The following MYSM1 variants were observed in gnomAD, a reference collection of about 807,000 sequenced individuals.
The protein encoded by MYSM1 is Myb like, SWIRM and MPN domains 1, also known as deubiquitinase MYSM1.
MYSM1 carries 51 observed loss-of-function variants against 116.0 expected under a neutral mutation model. The observed-to-expected ratio is 0.44, with a 90% CI of 0.35 to 0.56. MYSM1 has a LOEUF of 0.56. Ranked by LOEUF, MYSM1 falls within the 20% of genes least tolerant of loss-of-function variation. The probability of loss-of-function intolerance (pLI) is 0.00; values close to 1 mark genes in which losing one functional copy is unlikely to be tolerated. For missense variants in MYSM1, 900 were observed against 974.9 expected (o/e 0.92, Z 1.02); for synonymous variants, 313 against 315.2 (o/e 0.99, Z 0.07).
chr1:58,691,703 T>C (rs1275747480), intron 3 of MYSM1, among the ~76,000 whole-genome samples: 1 of 151,940 alleles, frequency 6.6e-6, no homozygotes, highest in Non-Finnish European at 1.5e-5. Flanking sequence ...CCATCTCTAC[T>C]AAAGATACAA....
rs1317012685 is a variant in MYSM1 at position 58,658,351 on chromosome 1, TG to T, written c.*1645del. 7.9e-5 allele frequency: 12 copies of T among 152,138 alleles called. No individual in the cohort carries two copies. Among genetic ancestry groups the T allele is most frequent in the African/African-American group, 2.7e-4 (11 of 41,426 alleles). The allele number at this position is 152,138 out of a possible 1,614,324, so 9.4% of individuals were successfully genotyped here. On this transcript the variant is annotated 3_prime_UTR_variant, in exon 20 of 20. Coordinates refer to ENST00000472487, the MANE Select transcript of MYSM1 (RefSeq NM_001085487.3). Reference sequence around the variant, plus strand: ...TACTACCCTTTTTTTTTTAAATGTATGTTAATTTGGAAACTGTATTAACTCA... The same window carrying T: ...TACTACCCTTTTTTTTTTAAATGTATTTAATTTGGAAACTGTATTAACTCA...
chr1:58,696,615 A>G (rs1169005916), intron 1 of MYSM1, among the ~76,000 whole-genome samples: 1 of 152,114 alleles, frequency 6.6e-6, no homozygotes, highest in Non-Finnish European at 1.5e-5. Flanking sequence ...GTAGTTTCCA[A>G]TCTTATATAA....
intron 17 of MYSM1, 26 bp from the exon 18 acceptor site, chr1:58,661,537 G>T (rs2100586595): frequency 1.6e-6 from 2 of 1,239,212 alleles, no homozygotes; most frequent in Non-Finnish European, 2.3e-6. Flanking sequence ...GAAGCACATT[G>T]TCATCAACTA....
At chr1:58,689,476 G>C (rs1426878312) in intron 5 of MYSM1, 1 of 165,408 alleles carries the variant, frequency 6.0e-6, no homozygotes, top group East Asian at 1.7e-4. Flanking sequence ...AGGCATGTAA[G>C]AGTTTAAATT....
intron 15 of MYSM1, among the ~76,000 whole-genome samples, chr1:58,667,605 C>G (rs944113675): frequency 1.3e-5 from 2 of 150,460 alleles, no homozygotes; most frequent in African/African-American, 2.4e-5. Context: ...TAGCTTTTTA[C>G]TAATAAAGGT....
rs115507468 is a variant in MYSM1 at position 58,683,585 on chromosome 1, G to T, written c.499-1040C>A. On this transcript the variant is annotated intron_variant, in intron 7 of 19. Coordinates refer to ENST00000472487, the MANE Select transcript of MYSM1 (RefSeq NM_001085487.3). ...ACAAAAAAAGATAATGAAAGTGAAT[G>T]AGCAAATATAACATGAAATAAAATC... Among the ~76,000 whole-genome samples the T allele has an allele frequency of 3.8e-3, 575 of 152,170 alleles. 6 individuals are homozygous for T. The highest frequency in any genetic ancestry group is 0.012 in the African/African-American group (517 of 41,526).
At chr1:58,684,776 T>C (rs1478477354) in intron 7 of MYSM1, among the ~76,000 whole-genome samples, 2 of 152,152 alleles carry the variant, frequency 1.3e-5, no homozygotes, top group Non-Finnish European at 2.9e-5. Context: ...ATTTACCTCC[T>C]GTAAGCTCTA....
intron 3 of MYSM1, 70 bp from the exon 4 acceptor site, chr1:58,690,487 AC>A (rs1460810701): frequency 9.8e-7 from 1 of 1,020,344 alleles, no homozygotes; most frequent in Non-Finnish European, 1.5e-6. Context: ...CTTATACAAA[AC>A]GTGTGCTACA....
intron 5 of MYSM1, 101 bp from the exon 6 acceptor site, chr1:58,689,217 T>C: frequency 1.2e-6 from 1 of 819,156 alleles, no homozygotes; most frequent in East Asian, 2.7e-5. Flanking sequence ...AATTCAATAC[T>C]TTGAGTCTAG....
intron 8 of MYSM1, among the ~76,000 whole-genome samples, chr1:58,679,409 A>C (rs1644703870): frequency 6.6e-6 from 1 of 152,226 alleles, no homozygotes; most frequent in African/African-American, 2.4e-5. Flanking sequence ...TTCAAAATTC[A>C]AAGTAACAAA....
Position 58,682,557 on chromosome 1 carries a change from T to A in MYSM1, c.499-12A>T. On this transcript the variant is annotated splice_polypyrimidine_tract_variant and intron_variant, in intron 7 of 19. Transcript: ENST00000472487. Reference sequence around the variant, plus strand: ...AGACCGCATTTGACCTTATTAAAAATCAAAATAAAATCCCCATAATATTAA... The same window carrying A: ...AGACCGCATTTGACCTTATTAAAAAACAAAATAAAATCCCCATAATATTAA... 2 of 1,553,186 alleles carry A rather than the reference T, an allele frequency of 1.3e-6. No individual in the cohort carries two copies. Among genetic ancestry groups the A allele is most frequent in the East Asian group, 4.5e-5 (2 of 44,314 alleles).
intron 17 of MYSM1, 96 bp from the exon 18 acceptor site, chr1:58,661,607 G>T (rs1051014054): frequency 1.5e-6 from 1 of 676,472 alleles, no homozygotes. Flanking sequence ...TGTTTTTACA[G>T]CCATAGCTTT....
In MYSM1 at chr1:58,668,641, T is replaced by G; in HGVS notation, c.1758A>C (p.Ile586=). The change falls in exon 14 of 20, where the codon ATA becomes ATC. Residue 586 remains isoleucine, a synonymous_variant. Coordinates refer to ENST00000472487, the MANE Select transcript of MYSM1 (RefSeq NM_001085487.3). Reference sequence around the variant, plus strand: ...AATAGATTATCCTTACCAAATCCATTATTAAAAGTGCTTCTGAAGCCACTT... The same window carrying G: ...AATAGATTATCCTTACCAAATCCATGATTAAAAGTGCTTCTGAAGCCACTT... ...QVKVASEALL[I]MDLHAHVSMA... 6.2e-7 allele frequency: 1 copy of G among 1,605,062 alleles called. No homozygotes were observed. The highest frequency in any genetic ancestry group is 8.5e-7 in the Non-Finnish European group (1 of 1,175,604).
At chr1:58,690,174 T>C in intron 5 of MYSM1, 52 bp downstream of exon 5, 3 of 1,383,052 alleles carry the variant, frequency 2.2e-6, no homozygotes, top group Non-Finnish European at 1.9e-6. Context: ...AATTATTCCA[T>C]AATTTTTAAC....
In MYSM1 at chr1:58,669,836, CAAAAAAAAAA is replaced by C. The variant is rs58828009; in HGVS notation, c.1662-808_1662-799del. Among the ~76,000 whole-genome samples the C allele has an allele frequency of 1.1e-3, 16 of 14,600 alleles. No homozygotes were observed. The South Asian group carries it at 0.021, about 19-fold the overall frequency. The allele number at this position is 14,600 out of a possible 152,430, so 9.6% of individuals were successfully genotyped here. ...GGGTGACAGAGTGAGACCCTGTCTCCAAAAAAAAAAAAAAAAAAAAAAAAAACAAAAAAGT... is the reference window on the plus strand; with the variant it reads ...GGGTGACAGAGTGAGACCCTGTCTCCAAAAAAAAAAAAAAAACAAAAAAGT... On this transcript the variant is annotated intron_variant, in intron 12 of 19. Coordinates refer to ENST00000472487, the MANE Select transcript of MYSM1 (RefSeq NM_001085487.3).
Position 58,656,925 on chromosome 1 carries a change from T to C in MYSM1, c.*3072A>G, listed in dbSNP as rs1644326341. 1 of 152,158 alleles carries C rather than the reference T, an allele frequency of 6.6e-6. No individual in the cohort carries two copies. Among genetic ancestry groups the C allele is most frequent in the East Asian group, 1.9e-4 (1 of 5,200 alleles). 9.4% of individuals were successfully genotyped at this position (152,158 alleles called of 1,614,324 possible). ...CATTCATTTCATACAGATACAATTG[T>C]AAAATATCACTTTTAATTTTGTATG... On this transcript the variant is annotated 3_prime_UTR_variant, in exon 20 of 20. Transcript: ENST00000472487.
intron 19 of MYSM1, among the ~76,000 whole-genome samples, chr1:58,660,831 T>C (rs1332882991): frequency 6.6e-6 from 1 of 152,084 alleles, no homozygotes; most frequent in Non-Finnish European, 1.5e-5. Flanking sequence ...TATACCATCA[T>C]TCTTAAAAAT....
Position 58,658,784 on chromosome 1 carries a change from TC to T in MYSM1, c.*1212del, listed in dbSNP as rs1644351340. ...ATTTTAAAATTGGCTTAAATGCAGA[TC>T]ATAATTCTGAGTTTTGGTGTCATTT... On this transcript the variant is annotated 3_prime_UTR_variant, in exon 20 of 20. Coordinates refer to ENST00000472487, the MANE Select transcript of MYSM1 (RefSeq NM_001085487.3). 1 of 152,122 alleles carries T rather than the reference TC, an allele frequency of 6.6e-6. No homozygotes were observed. Among genetic ancestry groups the T allele is most frequent in the Admixed American group, 6.6e-5 (1 of 15,256 alleles). The allele number at this position is 152,122 out of a possible 1,614,324, so 9.4% of individuals were successfully genotyped here.
At chr1:58,668,553 ACT>A (rs1382504833) in intron 14 of MYSM1, 77 bp downstream of exon 14, 69 of 1,488,982 alleles carry the variant, frequency 4.6e-5, no homozygotes, top group Non-Finnish European at 5.5e-5. Context: ...CGTCTTCCAT[ACT>A]CTGTCTTACG....
Sources: allele counts gnomAD v4.1 joint callset (sites outside exome capture counted in the v4.1 genomes callset), GRCh38; gene constraint gnomAD v4.1.1; transcripts MANE v1.5; gene names NCBI Gene and HGNC (gene_info 2026-07-23, HGNC 2026-07-21).